BEND5: variants seen among roughly 807,000 people sequenced by gnomAD.
BEND5 encodes the protein BEN domain-containing protein 5.
A neutral mutation model predicts 43.9 loss-of-function variants in BEND5; 22 were observed. That is an observed-to-expected ratio of 0.50 (90% CI 0.36 to 0.72). The LOEUF (loss-of-function observed/expected upper bound fraction) is 0.72. Ranked by LOEUF, BEND5 falls within the 30% of genes least tolerant of loss-of-function variation. BEND5 has a pLI of 0.00. For synonymous variants in BEND5, 228 were observed against 225.9 expected (o/e 1.01, Z -0.08); for missense variants, 428 against 550.6 (o/e 0.78, Z 2.23).
intron 1 of BEND5, among the ~76,000 whole-genome samples, chr1:48,772,999 C>G (rs1396032373): frequency 6.6e-6 from 1 of 152,116 alleles, no homozygotes; most frequent in Admixed American, 6.5e-5. Flanking sequence ...TCCTACATAG[C>G]AGGACATGAA....
chr1:48,733,903 T>C (rs547833266), intron 5 of BEND5, among the ~76,000 whole-genome samples: 2 of 152,176 alleles, frequency 1.3e-5, no homozygotes, highest in East Asian at 3.9e-4. Flanking sequence ...TCAGATACAG[T>C]CCCCAGATCC....
chr1:48,750,530 C>T (rs1651531563), intron 3 of BEND5, among the ~76,000 whole-genome samples: 1 of 152,190 alleles, frequency 6.6e-6, no homozygotes, highest in South Asian at 2.1e-4. Flanking sequence ...ATCCTGAGAG[C>T]TCGGGACCAA....
intron 4 of BEND5, among the ~76,000 whole-genome samples, chr1:48,741,252 T>TA (rs2148592490): frequency 6.6e-6 from 1 of 152,350 alleles, no homozygotes; most frequent in African/African-American, 2.4e-5. Context: ...TCACCAAACT[T>TA]AGATACACAG....
intron 5 of BEND5, among the ~76,000 whole-genome samples, chr1:48,728,940 G>A (rs1040903280): frequency 6.6e-6 from 1 of 152,122 alleles, no homozygotes; most frequent in Non-Finnish European, 1.5e-5. Context: ...GGCTCAGTAC[G>A]GCCACTCTCT....
intron 4 of BEND5, 27 bp downstream of exon 4, chr1:48,742,596 G>A: frequency 1.3e-6 from 2 of 1,500,774 alleles, no homozygotes; most frequent in Non-Finnish European, 1.8e-6. Flanking sequence ...CACTTGCAGG[G>A]AATGGATATT....
chr1:48,739,711 A>C (rs1002604525), intron 4 of BEND5, among the ~76,000 whole-genome samples: 2 of 152,362 alleles, frequency 1.3e-5, no homozygotes, highest in South Asian at 2.1e-4. Flanking sequence ...AAAGATGTGT[A>C]AAGTGTCAGG....
chr1:48,753,734 C>T (rs1484413), intron 3 of BEND5, among the ~76,000 whole-genome samples: 56,496 of 152,144 alleles, frequency 0.37, 10,616 homozygotes, highest in East Asian at 0.48. Context: ...CCCTACCTGG[C>T]TTGCAATAAG....
intron 4 of BEND5, among the ~76,000 whole-genome samples, chr1:48,738,431 C>T (rs1276374005): frequency 1.3e-5 from 2 of 152,206 alleles, no homozygotes; most frequent in Admixed American, 6.5e-5. Context: ...CTAGGCAACA[C>T]GGACACCAAG....
At chr1:48,761,562 A>C in intron 1 of BEND5, 92 bp from the exon 2 acceptor site, 1 of 1,321,632 alleles carries the variant, frequency 7.6e-7, no homozygotes, top group Non-Finnish European at 1.0e-6. Context: ...GCTAGAAAAT[A>C]ATTGAGGCCA....
intron 1 of BEND5, among the ~76,000 whole-genome samples, chr1:48,764,757 G>A (rs1452858797): frequency 1.3e-5 from 2 of 152,196 alleles, no homozygotes; most frequent in Non-Finnish European, 2.9e-5. Flanking sequence ...TAGAAATGGA[G>A]ATACAATATC....
At position 48,728,098 on chromosome 1, in the gene BEND5, C is replaced by A. The variant is rs947734971; in HGVS notation, c.1109-55G>T. On this transcript the variant is annotated intron_variant, in intron 5 of 5. Coordinates refer to ENST00000371833, the MANE Select transcript of BEND5 (RefSeq NM_024603.4). ...ATTAATGGTGAATTCAAGTAAAAAT[C>A]TTTTAAGGAGGGTAAAAGAAAATGT... The A allele has an allele frequency of 4.0e-6, 6 of 1,506,572 alleles. No homozygotes were observed. The Admixed American group carries it at 1.2e-4, about 31-fold the overall frequency. 93.3% of individuals were successfully genotyped at this position (1,506,572 alleles called of 1,614,324 possible).
At chr1:48,761,168 A>G (rs952809331) in intron 2 of BEND5, 169 bp downstream of exon 2, 7 of 733,370 alleles carry the variant, frequency 9.5e-6, no homozygotes, top group Non-Finnish European at 1.5e-5. Flanking sequence ...GTTGGCCAGC[A>G]AGGCAAATAC....
At chr1:48,731,081 A>G (rs897237606) in intron 5 of BEND5, among the ~76,000 whole-genome samples, 4 of 152,132 alleles carry the variant, frequency 2.6e-5, no homozygotes, top group African/African-American at 4.8e-5. Flanking sequence ...AGGCTTTTCT[A>G]TTTTTTTATA....
chr1:48,745,285 T>C (rs1186020586), intron 3 of BEND5, among the ~76,000 whole-genome samples: 1 of 152,150 alleles, frequency 6.6e-6, no homozygotes, highest in Admixed American at 6.5e-5. Context: ...TGGGAAGCTG[T>C]TCTGAATGTC....
intron 3 of BEND5, among the ~76,000 whole-genome samples, chr1:48,754,201 G>A (rs1652174993): frequency 6.6e-6 from 1 of 152,164 alleles, no homozygotes; most frequent in Admixed American, 6.5e-5. Flanking sequence ...TAGCTGAGGA[G>A]AAACCAAGAG....
At chr1:48,740,773 C>G (rs1417815111) in intron 4 of BEND5, among the ~76,000 whole-genome samples, 1 of 152,152 alleles carries the variant, frequency 6.6e-6, no homozygotes, top group African/African-American at 2.4e-5. Flanking sequence ...TCAGACAAGA[C>G]AGCAGAGCCA....
chr1:48,753,852 T>C (rs1358692224), intron 3 of BEND5, among the ~76,000 whole-genome samples: 2 of 152,248 alleles, frequency 1.3e-5, no homozygotes, highest in Non-Finnish European at 2.9e-5. Flanking sequence ...ATGCCTCTTC[T>C]GGTTAGAATT....
chr1:48,729,849 G>A (rs2148551466), intron 5 of BEND5, among the ~76,000 whole-genome samples: 1 of 151,942 alleles, frequency 6.6e-6, no homozygotes, highest in South Asian at 2.1e-4. Context: ...CTATTCCCAA[G>A]CCTGACTAAT....
intron 3 of BEND5, among the ~76,000 whole-genome samples, chr1:48,743,995 G>A (rs1221243541): frequency 1.5e-4 from 23 of 152,174 alleles, no homozygotes. Flanking sequence ...AAGATGGTTG[G>A]GGAGCAGAAC....
Sources: allele counts gnomAD v4.1 joint callset (sites outside exome capture counted in the v4.1 genomes callset), GRCh38; gene constraint gnomAD v4.1.1; transcripts MANE v1.5; gene names NCBI Gene and HGNC (gene_info 2026-07-23, HGNC 2026-07-21).